The following GSE1 variants were observed in gnomAD, a reference collection of about 807,000 sequenced individuals.
The protein encoded by GSE1 is genetic suppressor element 1.
Under a neutral mutation model 112.6 loss-of-function variants are expected in GSE1, and 32 were observed. The ratio of observed to expected loss-of-function variants is 0.28; its 90% CI spans 0.21 to 0.38. GSE1 has a LOEUF of 0.38. GSE1 is among the 10% of genes least tolerant of loss of function. GSE1 has a pLI of 1.00. For synonymous variants in GSE1, 1,115 were observed against 735.6 expected, an observed-to-expected ratio of 1.52 and a Z score of -8.35; for missense variants, 2,348 against 1,699.2, an observed-to-expected ratio of 1.38 and a Z score of -6.71.
At chr16:85,453,166 T>G (rs566685063) in intron 2 of GSE1, among the ~76,000 whole-genome samples, 1 of 152,064 alleles carries the variant, frequency 6.6e-6, no homozygotes, top group Non-Finnish European at 1.5e-5. Flanking sequence ...AGCTCCCGTA[T>G]CGGGGGAAGG....
intron 1 of GSE1, among the ~76,000 whole-genome samples, chr16:85,319,277 C>T (rs1006979521): frequency 3.3e-5 from 5 of 152,348 alleles, no homozygotes; most frequent in Admixed American, 2.0e-4. Context: ...CCAGAACTTG[C>T]GATCGGTGCC....
intron 2 of GSE1, among the ~76,000 whole-genome samples, chr16:85,434,686 C>T (rs2049202441): frequency 6.6e-6 from 1 of 152,174 alleles, no homozygotes; most frequent in South Asian, 2.1e-4. Flanking sequence ...GGCATGGTGG[C>T]ACGCATCTGT....
intron 2 of GSE1, among the ~76,000 whole-genome samples, chr16:85,485,669 G>A (rs1424886670): frequency 1.3e-5 from 2 of 152,260 alleles, no homozygotes; most frequent in South Asian, 4.1e-4. Flanking sequence ...CGCCGGGCCA[G>A]CTTGTCACTC....
chr16:85,274,353 C>G (rs1909148862), intron 1 of GSE1, among the ~76,000 whole-genome samples: 2 of 152,014 alleles, frequency 1.3e-5, no homozygotes, highest in Non-Finnish European at 2.9e-5. Context: ...CCACTGCACT[C>G]CAGCCTGGGT....
chr16:85,388,376 G>GTGGGTACA (rs1391875539), intron 2 of GSE1, among the ~76,000 whole-genome samples: 1 of 60,762 alleles, frequency 1.6e-5, no homozygotes, highest in Non-Finnish European at 3.2e-5. Context: ...GGGCGGGTGG[G>GTGGGTACA]TGGATGGATG....
intron 2 of GSE1, among the ~76,000 whole-genome samples, chr16:85,395,162 G>T (rs1179617710): frequency 6.6e-6 from 1 of 152,118 alleles, no homozygotes; most frequent in Non-Finnish European, 1.5e-5. Flanking sequence ...GCTGGGGTAG[G>T]CCTTGCATGC....
At chr16:85,640,061 G>A (rs910802428) in intron 2 of GSE1, among the ~76,000 whole-genome samples, 1 of 152,310 alleles carries the variant, frequency 6.6e-6, no homozygotes, top group Non-Finnish European at 1.5e-5. Context: ...AGGTGGGCTG[G>A]AGAGCCGCCG....
intron 1 of GSE1, among the ~76,000 whole-genome samples, chr16:85,243,133 C>A (rs1204552692): frequency 6.6e-6 from 1 of 152,196 alleles, no homozygotes; most frequent in Admixed American, 6.5e-5. Flanking sequence ...TAACATGCAG[C>A]CCCCGAGGAG....
At chr16:85,351,076 G>C (rs1011539814) in intron 1 of GSE1, among the ~76,000 whole-genome samples, 11 of 152,310 alleles carry the variant, frequency 7.2e-5, no homozygotes, top group East Asian at 1.9e-4. Flanking sequence ...AGGAAACCAA[G>C]GCCTGGAGGG....
At chr16:85,638,508 G>A (rs1024910058) in intron 2 of GSE1, among the ~76,000 whole-genome samples, 2 of 152,192 alleles carry the variant, frequency 1.3e-5, no homozygotes, top group African/African-American at 2.4e-5. Context: ...CGGGCAGGCC[G>A]CTTTGCCTCT....
chr16:85,519,347 A>G lies in GSE1; in HGVS notation c.2465-114567A>G, dbSNP rs1232254829. ...CACCATCATCACTTTTACCACCATC[A>G]CTATCATCATCACCATCACCGGTCT... On this transcript the variant is annotated intron_variant, in intron 2 of 2. Transcript: ENST00000637419. 4.1e-3 allele frequency among the ~76,000 whole-genome samples: 564 copies of G among 136,130 alleles called. 5 individuals carry two copies. The highest frequency in any genetic ancestry group is 0.015 in the African/African-American group (514 of 34,036). The allele number at this position is 136,130 out of a possible 152,430, so 89.3% of individuals were successfully genotyped here.
At chr16:85,440,310 T>C (rs2049346245) in intron 2 of GSE1, among the ~76,000 whole-genome samples, 1 of 152,200 alleles carries the variant, frequency 6.6e-6, no homozygotes, top group African/African-American at 2.4e-5. Context: ...CACAACTTGC[T>C]CTAGCAAATC....
chr16:85,637,951 G>C (rs1022815371), intron 2 of GSE1, among the ~76,000 whole-genome samples: 1 of 152,202 alleles, frequency 6.6e-6, no homozygotes, highest in Non-Finnish European at 1.5e-5. Context: ...GCAGCTCCCA[G>C]AGCTGCAGGG....
chr16:85,496,290 G>A (rs116040888), intron 2 of GSE1, among the ~76,000 whole-genome samples: 127 of 152,350 alleles, frequency 8.3e-4, no homozygotes, highest in African/African-American at 2.8e-3. Context: ...CGCCCCTCGC[G>A]GGCCCGACCG....
At chr16:85,261,222 A>G (rs1325736558) in intron 1 of GSE1, among the ~76,000 whole-genome samples, 1 of 152,108 alleles carries the variant, frequency 6.6e-6, no homozygotes, top group East Asian at 1.9e-4. Context: ...GCTCAAGACT[A>G]CACCTTCGCT....
At chr16:85,520,258 G>T (rs922489681) in intron 2 of GSE1, among the ~76,000 whole-genome samples, 3 of 151,876 alleles carry the variant, frequency 2.0e-5, no homozygotes, top group East Asian at 1.9e-4. Context: ...CGTGAGGGCC[G>T]CGCTCTCATG....
chr16:85,423,749 C>T (rs2048905400), intron 2 of GSE1, among the ~76,000 whole-genome samples: 1 of 152,200 alleles, frequency 6.6e-6, no homozygotes, highest in African/African-American at 2.4e-5. Flanking sequence ...CATCCATCCA[C>T]CTGTCCATCC....
chr16:85,443,125 T>A (rs2049421079), intron 2 of GSE1, among the ~76,000 whole-genome samples: 1 of 152,184 alleles, frequency 6.6e-6, no homozygotes, highest in Admixed American at 6.5e-5. Context: ...CCCAGTAAGG[T>A]CCTAGCCTAA....
chr16:85,574,168 C>G (rs1183440686), intron 1 of GSE1, among the ~76,000 whole-genome samples: 1 of 152,188 alleles, frequency 6.6e-6, no homozygotes, highest in South Asian at 2.1e-4. Flanking sequence ...GCCCAGCGCT[C>G]TTGTGGGAGA....
Sources: gnomAD v4.1 joint callset for allele counts (sites outside exome capture counted in the v4.1 genomes callset) on GRCh38, gnomAD v4.1.1 for gene constraint, MANE v1.5 for transcripts, NCBI Gene and HGNC (gene_info 2026-07-23, HGNC 2026-07-21) for gene names.